Variants in COX7B2 observed in about 807,000 individuals in gnomAD.
COX7B2 encodes cytochrome c oxidase subunit 7B2, mitochondrial.
For synonymous variants in COX7B2, 37 were observed against 32.1 expected, an observed-to-expected ratio of 1.15 and a Z score of -0.51; for missense variants, 109 against 95.9, an observed-to-expected ratio of 1.14 and a Z score of -0.57.
At chr4:46,880,993 T>TAAAAAAAAAAAAAAAAAA (rs1215385422) in intron 1 of COX7B2, among the ~76,000 whole-genome samples, 32 of 102,732 alleles carry the variant, frequency 3.1e-4, no homozygotes, top group African/African-American at 6.1e-4. Flanking sequence ...TAGAGTATAA[T>TAAAAAAAAAAAAAAAAAA]AAAAAAAAAA....
At chr4:46,837,030 A>T in intron 2 of COX7B2, among the ~76,000 whole-genome samples, 1 of 152,122 alleles carries the variant, frequency 6.6e-6, no homozygotes, top group East Asian at 1.9e-4. Context: ...AGTTTAATCC[A>T]CTTCATATTT....
intron 1 of COX7B2, among the ~76,000 whole-genome samples, chr4:46,872,577 C>T (rs574239408): frequency 1.3e-5 from 2 of 152,274 alleles, no homozygotes; most frequent in East Asian, 1.9e-4. Context: ...CTTACCTGTC[C>T]TTCATCATCA....
At chr4:46,880,613 T>C (rs1198479974) in intron 1 of COX7B2, among the ~76,000 whole-genome samples, 1 of 151,860 alleles carries the variant, frequency 6.6e-6, no homozygotes, top group Non-Finnish European at 1.5e-5. Flanking sequence ...TGGCAATTTT[T>C]ATTTAAGTGG....
chr4:46,887,123 C>T (rs1288587634), intron 1 of COX7B2, among the ~76,000 whole-genome samples: 9 of 152,132 alleles, frequency 5.9e-5, no homozygotes, highest in Admixed American at 2.0e-4. Flanking sequence ...AGAGAGGGAA[C>T]GAATCCCATT....
At chr4:46,779,960 G>T (rs1717355979) in intron 2 of COX7B2, among the ~76,000 whole-genome samples, 1 of 152,094 alleles carries the variant, frequency 6.6e-6, no homozygotes, top group Admixed American at 6.6e-5. Context: ...TGTGTTAAGA[G>T]TAGATTTTAG....
intron 2 of COX7B2, among the ~76,000 whole-genome samples, chr4:46,778,536 G>A (rs1036152381): frequency 2.0e-5 from 3 of 152,016 alleles, no homozygotes; most frequent in East Asian, 1.9e-4. Context: ...AATAAACACC[G>A]TATATCAAAT....
intron 2 of COX7B2, among the ~76,000 whole-genome samples, chr4:46,770,039 T>C (rs1716782603): frequency 6.6e-6 from 1 of 151,998 alleles, no homozygotes; most frequent in Non-Finnish European, 1.5e-5. Flanking sequence ...TGCATCCAAA[T>C]CAGAAGGAAA....
chr4:46,777,289 A>T (rs1202190122), intron 2 of COX7B2, among the ~76,000 whole-genome samples: 1 of 152,192 alleles, frequency 6.6e-6, no homozygotes, highest in Non-Finnish European at 1.5e-5. Context: ...GTGATTGAAT[A>T]CAGTTAATAT....
chr4:46,745,909 C>A (rs571765262), intron 2 of COX7B2, among the ~76,000 whole-genome samples: 5 of 152,078 alleles, frequency 3.3e-5, no homozygotes, highest in South Asian at 2.1e-4. Flanking sequence ...ATTAATCTAA[C>A]GGAGTCTAAA....
chr4:46,824,876 A>G (rs1248472382), intron 2 of COX7B2, among the ~76,000 whole-genome samples: 1 of 152,106 alleles, frequency 6.6e-6, no homozygotes. Flanking sequence ...TAGAAGGAAC[A>G]TACCTAAAAA....
At chr4:46,738,991 A>G (rs1714541606) in intron 2 of COX7B2, among the ~76,000 whole-genome samples, 1 of 152,114 alleles carries the variant, frequency 6.6e-6, no homozygotes, top group South Asian at 2.1e-4. Flanking sequence ...ACTTGATCTC[A>G]GTCTAACTAC....
chr4:46,794,251 A>T (rs1241950967), intron 2 of COX7B2, among the ~76,000 whole-genome samples: 1 of 152,222 alleles, frequency 6.6e-6, no homozygotes, highest in Non-Finnish European at 1.5e-5. Flanking sequence ...TTGGATTAGG[A>T]TGAATATATT....
At chr4:46,750,195 T>TACACAC (rs58139781) in intron 2 of COX7B2, among the ~76,000 whole-genome samples, 22,005 of 113,670 alleles carry the variant, frequency 0.19, 2,667 homozygotes, top group Admixed American at 0.26. Context: ...ATCCCATCTC[T>TACACAC]ACACACACAC....
At chr4:46,787,852 A>T (rs1560380963) in intron 2 of COX7B2, among the ~76,000 whole-genome samples, 2 of 152,024 alleles carry the variant, frequency 1.3e-5, no homozygotes, top group Non-Finnish European at 2.9e-5. Context: ...AGTCAACCCG[A>T]GTTTTAGAGG....
At position 46,735,005 on chromosome 4, in the gene COX7B2, A is replaced by G. The variant is rs1714271832; in HGVS notation, c.188T>C (p.Ile63Thr). 1 of 1,614,038 alleles carries G rather than the reference A, an allele frequency of 6.2e-7. No homozygotes were observed. The highest frequency in any genetic ancestry group is 2.2e-5 in the East Asian group (1 of 44,862). The change falls in exon 3 of 3, where the codon ATA (isoleucine) becomes ACA (threonine). Residue 63 changes from isoleucine (I) to threonine (T), a missense_variant. Transcript: ENST00000355591. The part of the protein sequence containing the change: ...TWVFTATQIG[I>T]EWNLSPVGRV... ...GCCAACAGGGGATAGGTTCCATTCTATTCCAATCTGAGTGGCTGTAAACAC... is the reference window on the plus strand; with the variant it reads ...GCCAACAGGGGATAGGTTCCATTCTGTTCCAATCTGAGTGGCTGTAAACAC...
At chr4:46,815,134 C>T (rs1215639076) in intron 2 of COX7B2, among the ~76,000 whole-genome samples, 6 of 148,288 alleles carry the variant, frequency 4.0e-5, no homozygotes, top group Non-Finnish European at 8.9e-5. Flanking sequence ...TGCAGTGAGC[C>T]GAGATTGCAC....
chr4:46,905,496 A>G (rs1560447516), intron 1 of COX7B2, among the ~76,000 whole-genome samples: 1 of 152,196 alleles, frequency 6.6e-6, no homozygotes, highest in Non-Finnish European at 1.5e-5. Context: ...TGAGTAACAC[A>G]AAATCCTGAA....
intron 1 of COX7B2, among the ~76,000 whole-genome samples, chr4:46,890,082 A>T (rs1719339653): frequency 6.6e-6 from 1 of 152,174 alleles, no homozygotes; most frequent in South Asian, 2.1e-4. Flanking sequence ...GAAATAATGG[A>T]TCTAATAATA....
intron 2 of COX7B2, among the ~76,000 whole-genome samples, chr4:46,799,609 ATAAT>A (rs1385594489): frequency 6.6e-6 from 1 of 152,104 alleles, no homozygotes; most frequent in Non-Finnish European, 1.5e-5. Context: ...GTCTATGGAG[ATAAT>A]TAGATGGTTT....
Sources: gnomAD v4.1 joint callset for allele counts (sites outside exome capture counted in the v4.1 genomes callset) on GRCh38, gnomAD v4.1.1 for gene constraint, MANE v1.5 for transcripts, NCBI Gene and HGNC (gene_info 2026-07-23, HGNC 2026-07-21) for gene names.